ADGRL1: variants seen among roughly 807,000 people sequenced by gnomAD.
The protein encoded by ADGRL1 is CIRL-1.
ADGRL1 carries 31 observed loss-of-function variants against 148.9 expected under a neutral mutation model. The observed-to-expected ratio is 0.21, with a 90% confidence interval of 0.16 to 0.28. The LOEUF is 0.28. Ranked by LOEUF, ADGRL1 falls within the 10% of genes least tolerant of loss-of-function variation. ADGRL1 has a pLI of 1.00. For synonymous variants in ADGRL1, 937 were observed against 900.3 expected (o/e 1.04, Z -0.73); for missense variants, 1,521 against 2,058.8 (o/e 0.74, Z 5.05).
intron 4 of ADGRL1, among the ~76,000 whole-genome samples, chr19:14,168,246 C>T (rs1443773819): frequency 1.3e-5 from 2 of 151,668 alleles, no homozygotes; most frequent in African/African-American, 4.8e-5. Flanking sequence ...GCCTCCCTTC[C>T]CAGCGCCTCA....
At chr19:14,182,906 C>T (rs1456342719) in intron 2 of ADGRL1, among the ~76,000 whole-genome samples, 1 of 152,136 alleles carries the variant, frequency 6.6e-6, no homozygotes, top group African/African-American at 2.4e-5. Flanking sequence ...ACAGGGATGT[C>T]GGGGTGGGCA....
At chr19:14,172,411 G>A (rs1397060232) in intron 3 of ADGRL1, among the ~76,000 whole-genome samples, 1 of 151,380 alleles carries the variant, frequency 6.6e-6, no homozygotes, top group Admixed American at 6.6e-5. Context: ...GACAGAGTAA[G>A]ACTCCGTCTC....
At chr19:14,201,982 G>A (rs766555763) in intron 1 of ADGRL1, among the ~76,000 whole-genome samples, 1 of 152,194 alleles carries the variant, frequency 6.6e-6, no homozygotes, top group Non-Finnish European at 1.5e-5. Flanking sequence ...TATTTCAAGA[G>A]GGTGGGGGAG....
intron 1 of ADGRL1, among the ~76,000 whole-genome samples, chr19:14,196,062 C>T (rs1210692754): frequency 6.6e-6 from 1 of 152,208 alleles, no homozygotes; most frequent in Non-Finnish European, 1.5e-5. Flanking sequence ...TCTGGTCCAG[C>T]CCCATCATCT....
At chr19:14,170,489 C>CG in intron 4 of ADGRL1, 193 bp downstream of exon 4, 1 of 520,032 alleles carries the variant, frequency 1.9e-6, no homozygotes, top group Admixed American at 3.3e-5. Context: ...GTCTGTGAGG[C>CG]GGGGGAGCAG....
chr19:14,192,021 G>A (rs573336606), intron 1 of ADGRL1, among the ~76,000 whole-genome samples: 110 of 152,116 alleles, frequency 7.2e-4, no homozygotes, highest in African/African-American at 2.6e-3. Context: ...TGGGATACCA[G>A]TCCTCTGAGA....
Position 14,175,241 on chromosome 19 carries a change from G to A in ADGRL1, c.284+2290C>T, listed in dbSNP as rs1369928469. 4.6e-5 allele frequency among the ~76,000 whole-genome samples: 7 copies of A among 152,080 alleles called. No homozygotes were observed. The East Asian group carries it at 1.4e-3, about 29-fold the overall frequency. ...TTTGCACACGTGGTGCCTCAGCCTG[G>A]GGCAACCCCTCCACGCTCACACAAT... is the stretch of plus-strand genomic sequence containing the variant. On this transcript the variant is annotated intron_variant, in intron 3 of 22. Transcript: ENST00000361434.
At chr19:14,188,583 T>C (rs1971730994) in intron 1 of ADGRL1, among the ~76,000 whole-genome samples, 1 of 152,126 alleles carries the variant, frequency 6.6e-6, no homozygotes, top group African/African-American at 2.4e-5. Flanking sequence ...CCTTGACTCC[T>C]CTCTCACCCC....
At chr19:14,188,300 C>T (rs551910076) in intron 1 of ADGRL1, among the ~76,000 whole-genome samples, 5 of 152,198 alleles carry the variant, frequency 3.3e-5, no homozygotes, top group East Asian at 1.9e-4. Flanking sequence ...TACACGTACA[C>T]GCTGGGCCAA....
intron 2 of ADGRL1, among the ~76,000 whole-genome samples, chr19:14,180,286 C>G (rs7507995): frequency 2.7e-4 from 41 of 151,882 alleles, no homozygotes; most frequent in Non-Finnish European, 4.7e-4. Flanking sequence ...GACAGAGTCT[C>G]GCTCTGTCAC....
intron 3 of ADGRL1, among the ~76,000 whole-genome samples, chr19:14,175,220 C>T (rs1336462665): frequency 2.0e-5 from 3 of 152,240 alleles, no homozygotes; most frequent in South Asian, 4.1e-4. Flanking sequence ...TGCAGATTTG[C>T]ACACGTGGTG....
chr19:14,158,264 AG>A, intron 12 of ADGRL1, 73 bp downstream of exon 12: 2 of 1,461,514 alleles, frequency 1.4e-6, no homozygotes, highest in South Asian at 1.1e-5. Flanking sequence ...GAGCACATGG[AG>A]GGGCAGGTAC....
intron 18 of ADGRL1, among the ~76,000 whole-genome samples, chr19:14,153,775 A>AC (rs2144628683): frequency 7.3e-6 from 1 of 137,582 alleles, no homozygotes; most frequent in South Asian, 2.6e-4. Context: ...ACATGGTGAA[A>AC]CCCCACCTCT....
chr19:14,204,762 G>A (rs1413104839), intron 1 of ADGRL1, among the ~76,000 whole-genome samples: 1 of 151,752 alleles, frequency 6.6e-6, no homozygotes, highest in Non-Finnish European at 1.5e-5. Context: ...GAGAGAGAGC[G>A]CGCGAGCCAG....
In ADGRL1 at chr19:14,162,962, C is replaced by T; in HGVS notation, c.839G>A (p.Gly280Asp). The stretch of plus-strand genomic sequence containing the variant: ...GCTCACCACCAGCCGCCCGTTGTTG[C>T]CCTCAGTGGCGTAGATGACCCACAG... ...NGLWVIYATE[G>D]NNGRLVVSQL... is the part of the protein sequence containing the mutation. Residue 280 changes from glycine (G) to aspartate (D), a missense_variant, in exon 5 of 23, where the codon GGC (glycine) becomes GAC (aspartate). By Grantham distance (94) the Gly-to-Asp change is moderately conservative (BLOSUM62 -1). This residue lies in a region of ADGRL1 where 334 missense variants were observed against 512.5 expected (regional missense o/e 0.65). Coordinates refer to ENST00000361434, the MANE Select transcript of ADGRL1 (RefSeq NM_014921.5). The surrounding 1 kb of genome is among the most constrained non-coding windows in gnomAD (Gnocchi z 5.4). 6.2e-7 allele frequency: 1 copy of T among 1,613,818 alleles called. No homozygotes were observed. The highest frequency in any genetic ancestry group is 8.5e-7 in the Non-Finnish European group (1 of 1,179,934).
intron 1 of ADGRL1, among the ~76,000 whole-genome samples, chr19:14,197,468 C>G (rs1200065161): frequency 6.6e-6 from 1 of 152,104 alleles, no homozygotes; most frequent in Non-Finnish European, 1.5e-5. Flanking sequence ...CAATTACACC[C>G]CTCCCTGCCT....
Position 14,152,736 on chromosome 19 carries a change from C to A in ADGRL1, c.3423+48G>T. On this transcript the variant is annotated intron_variant, in intron 19 of 22. Transcript: ENST00000361434. This position sits in a 1 kb window ranked among gnomAD's most constrained non-coding sequence, Gnocchi z 6.1. ...GCCAAGCCACTCCCCACCTCTCAGG[C>A]TCCAGGTTCCAACACTCAGCCCCAG... 2 of 1,606,956 alleles carry A rather than the reference C, an allele frequency of 1.2e-6. No homozygotes were observed. Among genetic ancestry groups the A allele is most frequent in the Non-Finnish European group, 1.7e-6 (2 of 1,174,772 alleles).
At position 14,151,070 on chromosome 19, in the gene ADGRL1, G is replaced by GT; in HGVS notation, c.4212_4213insA (p.Pro1405ThrfsTer38). The GT allele has an allele frequency of 1.4e-6, 1 of 709,462 alleles. No homozygotes were observed. The highest frequency in any genetic ancestry group is 2.2e-6 in the Non-Finnish European group (1 of 459,102). 43.9% of individuals were successfully genotyped at this position (709,462 alleles called of 1,614,324 possible). On this transcript the variant is annotated frameshift_variant, in exon 23 of 23. Coordinates refer to ENST00000361434, the MANE Select transcript of ADGRL1 (RefSeq NM_014921.5). LOFTEE classifies it high-confidence loss of function. ...CCGGGGGGTGCGGGAGGGGGTGGGG[G>GT]CAGGGCCTCACTGGGCCCCTCAGGG...
chr19:14,170,880 G>A lies in ADGRL1; in HGVS notation c.285-89C>T. On this transcript the variant is annotated intron_variant, in intron 3 of 22. Transcript: ENST00000361434. ...CATGCTCCAGGGTCATGGTGTCATA[G>A]ACACCCCCAAATTGGGAAGGGGCAG... The A allele has an allele frequency of 4.3e-6, 3 of 698,400 alleles. No individual in the cohort carries two copies. The South Asian group carries it at 4.8e-5, about 11-fold the overall frequency. 43.3% of individuals were successfully genotyped at this position (698,400 alleles called of 1,614,324 possible). A position where few individuals can be genotyped will look rare whatever the true frequency, so the allele number is the denominator to read the frequency against.
Sources: gnomAD v4.1 joint callset for allele counts (sites outside exome capture counted in the v4.1 genomes callset) on GRCh38, gnomAD v4.1.1 for gene constraint, gnomAD v4.1.1 regional missense constraint, Gnocchi (gnomAD v3.1) non-coding constraint, MANE v1.5 for transcripts, NCBI Gene and HGNC (gene_info 2026-07-23, HGNC 2026-07-21) for gene names.